Variants in SPRED1 observed in about 807,000 individuals in gnomAD.
The protein encoded by SPRED1 is sprouty-related, EVH1 domain-containing protein 1.
In SPRED1, 18 loss-of-function variants were observed where a neutral mutation model predicts 52.3. The ratio of observed to expected loss-of-function variants is 0.34; its 90% CI spans 0.24 to 0.51. The LOEUF is 0.51. Among genes scored for constraint, SPRED1 ranks in the 20% least tolerant of loss-of-function variants. The pLI, the probability that SPRED1 is intolerant of heterozygous loss-of-function variation, is 0.97. For synonymous variants in SPRED1, 155 were observed against 179.7 expected, an observed-to-expected ratio of 0.86 and a Z score of 1.10; for missense variants, 485 against 551.0, an observed-to-expected ratio of 0.88 and a Z score of 1.20.
At chr15:38,307,190 C>G (rs964540028) in intron 2 of SPRED1, among the ~76,000 whole-genome samples, 3 of 152,154 alleles carry the variant, frequency 2.0e-5, no homozygotes, top group Non-Finnish European at 2.9e-5. Context: ...TTGAATGTGT[C>G]ATGCTTTTAA....
At position 38,344,617 on chromosome 15, in the gene SPRED1, T is replaced by G. The variant is rs141742226; in HGVS notation, c.582+4722T>G. Among the ~76,000 whole-genome samples the G allele has an allele frequency of 2.6e-5, 4 of 152,314 alleles. No homozygotes were observed. The East Asian group carries it at 7.7e-4, about 29-fold the overall frequency. ...GGGTCTGAATTCCAACTTCTTTACT[T>G]ACTAGCTGTGTGGCCTTGGGCAAGC... On this transcript the variant is annotated intron_variant, in intron 5 of 6. Transcript: ENST00000299084.
At chr15:38,286,738 G>T (rs1894818977) in intron 1 of SPRED1, among the ~76,000 whole-genome samples, 1 of 151,946 alleles carries the variant, frequency 6.6e-6, no homozygotes, top group Non-Finnish European at 1.5e-5. Context: ...AATAAATGTT[G>T]AATTTTTCAT....
In SPRED1 at chr15:38,324,775, C is replaced by G; in HGVS notation, c.389C>G (p.Ser130Ter). 6.2e-7 allele frequency: 1 copy of G among 1,610,200 alleles called. No homozygotes were observed. The highest frequency in any genetic ancestry group is 8.5e-7 in the Non-Finnish European group (1 of 1,178,310). ...IEDISQGCPE[S>*]KNEAEGADDL... The stretch of plus-strand genomic sequence containing the variant: ...TCTATTTTCTTAGGATGCCCCGAAT[C>G]AAAAAATGAAGCTGAAGGGGCAGAT... Residue 130 changes from serine to a stop codon, truncating the protein, a stop_gained, in exon 4 of 7, where the codon TCA becomes TGA. Coordinates refer to ENST00000299084, the MANE Select transcript of SPRED1 (RefSeq NM_152594.3). LOFTEE classifies it high-confidence loss of function.
chr15:38,348,939 A>G (rs538003397), intron 5 of SPRED1, among the ~76,000 whole-genome samples: 25 of 152,214 alleles, frequency 1.6e-4, no homozygotes, highest in African/African-American at 5.8e-4. Flanking sequence ...TTAAAAAAGT[A>G]TGTAATTTGG....
chr15:38,298,668 G>T, intron 1 of SPRED1: 1 of 222,484 alleles, frequency 4.5e-6, no homozygotes, highest in Non-Finnish European at 9.1e-6. Context: ...GATGAAAATG[G>T]CCTGTATTTT....
At chr15:38,325,946 A>T (rs1895703227) in intron 4 of SPRED1, 1 of 152,228 alleles carries the variant, frequency 6.6e-6, no homozygotes, top group South Asian at 2.1e-4. Context: ...TGACTAATGC[A>T]GATTCTGAAG....
intron 2 of SPRED1, among the ~76,000 whole-genome samples, chr15:38,308,121 C>T (rs1183082034): frequency 2.6e-5 from 4 of 152,076 alleles, no homozygotes; most frequent in Admixed American, 2.6e-4. Context: ...TGTTCTCCAC[C>T]TCCCCAGACT....
intron 1 of SPRED1, among the ~76,000 whole-genome samples, chr15:38,281,849 C>G (rs1307835480): frequency 6.6e-6 from 1 of 152,002 alleles, no homozygotes; most frequent in East Asian, 1.9e-4. Context: ...ATTTTTGACC[C>G]CAATTAATCC....
chr15:38,343,622 A>G (rs960690208), intron 5 of SPRED1, among the ~76,000 whole-genome samples: 5 of 152,118 alleles, frequency 3.3e-5, no homozygotes, highest in African/African-American at 1.2e-4. Flanking sequence ...CTTCTAGATC[A>G]TCTGGGAGCT....
intron 1 of SPRED1, among the ~76,000 whole-genome samples, chr15:38,271,874 A>C (rs1237579510): frequency 6.6e-6 from 1 of 152,120 alleles, no homozygotes; most frequent in Non-Finnish European, 1.5e-5. Flanking sequence ...TAAGCATAGT[A>C]CCCAATAGTT....
chr15:38,344,422 C>T (rs4594216), intron 5 of SPRED1, among the ~76,000 whole-genome samples: 125,298 of 152,186 alleles, frequency 0.82, 52,396 homozygotes, highest in Non-Finnish European at 0.9. Context: ...AAGAACTGAA[C>T]TCTTCTCCCA....
At chr15:38,291,453 G>A (rs529129587) in intron 1 of SPRED1, among the ~76,000 whole-genome samples, 19 of 152,354 alleles carry the variant, frequency 1.2e-4, no homozygotes, top group African/African-American at 3.8e-4. Flanking sequence ...GCCCCAGTAG[G>A]GACTCTGTGT....
chr15:38,320,677 A>G (rs1895583632), intron 2 of SPRED1, among the ~76,000 whole-genome samples: 1 of 152,138 alleles, frequency 6.6e-6, no homozygotes. Context: ...CTGAGCATTT[A>G]TTATGTGTCA....
intron 1 of SPRED1, among the ~76,000 whole-genome samples, chr15:38,286,164 C>T (rs1018796175): frequency 6.9e-6 from 1 of 144,758 alleles, no homozygotes; most frequent in Non-Finnish European, 1.5e-5. Context: ...TGGGGAGAAT[C>T]ACTTGAGCTC....
chr15:38,299,727 A>T (rs543814729), intron 2 of SPRED1, among the ~76,000 whole-genome samples, 180 bp downstream of exon 2: 1 of 152,034 alleles, frequency 6.6e-6, no homozygotes, highest in African/African-American at 2.4e-5. Context: ...ACTGACATTG[A>T]TACACATTTG....
chr15:38,262,347 G>A (rs1270593924), intron 1 of SPRED1, among the ~76,000 whole-genome samples: 1 of 152,188 alleles, frequency 6.6e-6, no homozygotes, highest in African/African-American at 2.4e-5. Flanking sequence ...TGGTTATAAA[G>A]TTCTTCAAGG....
intron 4 of SPRED1, among the ~76,000 whole-genome samples, chr15:38,333,542 T>G (rs996368570): frequency 2.0e-5 from 3 of 152,184 alleles, no homozygotes; most frequent in African/African-American, 7.2e-5. Context: ...AAAGCCACTA[T>G]ATAATTTTTA....
chr15:38,314,424 G>C (rs1475323247), intron 2 of SPRED1, among the ~76,000 whole-genome samples: 1 of 151,724 alleles, frequency 6.6e-6, no homozygotes, highest in Non-Finnish European at 1.5e-5. Flanking sequence ...GCTTATTACT[G>C]TCAGCATCCA....
intron 1 of SPRED1, among the ~76,000 whole-genome samples, chr15:38,289,069 C>T (rs779005007): frequency 2.6e-5 from 4 of 152,124 alleles, no homozygotes; most frequent in Admixed American, 6.5e-5. Context: ...ACTTGGGAAT[C>T]TGTGTTTTTA....
Sources: gnomAD v4.1 joint callset for allele counts (sites outside exome capture counted in the v4.1 genomes callset) on GRCh38, gnomAD v4.1.1 for gene constraint, MANE v1.5 for transcripts, NCBI Gene and HGNC (gene_info 2026-07-23, HGNC 2026-07-21) for gene names.